CGNL1: variants seen among roughly 807,000 people sequenced by gnomAD.
The protein encoded by CGNL1 is cingulin-like protein 1.
A neutral mutation model predicts 141.2 loss-of-function variants in CGNL1; 132 were observed. The ratio of observed to expected loss-of-function variants is 0.93; its 90% confidence interval spans 0.81 to 1.08. The LOEUF is 1.08. CGNL1 is among the 50% of genes least tolerant of loss of function. CGNL1 has a pLI of 0.00. For synonymous variants in CGNL1, 690 were observed against 622.1 expected (o/e 1.11, Z -1.63); for missense variants, 1,870 against 1,588.6 (o/e 1.18, Z -3.01).
Position 57,381,093 on chromosome 15 carries a change from TG to T in CGNL1, c.-16+4528del, listed in dbSNP as rs201754134. On this transcript the variant is annotated intron_variant, in intron 1 of 18. Coordinates refer to ENST00000281282, the MANE Select transcript of CGNL1 (RefSeq NM_032866.5). ...CTGACCCATAGGGCTAATAACCTCA[TG>T]GTTATAATAGTTACTATTTGTTTAT... Among the ~76,000 whole-genome samples, 73 of 152,316 alleles carry T rather than the reference TG, an allele frequency of 4.8e-4. 2 individuals are homozygous for T. In the East Asian group the frequency reaches 0.012, roughly 25 times the overall value.
At chr15:57,415,766 G>T (rs972448144) in intron 1 of CGNL1, among the ~76,000 whole-genome samples, 2 of 152,204 alleles carry the variant, frequency 1.3e-5, no homozygotes, top group Non-Finnish European at 2.9e-5. Flanking sequence ...AATGTCTGTG[G>T]AACCAAAGCC....
intron 8 of CGNL1, among the ~76,000 whole-genome samples, chr15:57,485,869 G>A (rs1488468537): frequency 1.3e-5 from 2 of 152,162 alleles, no homozygotes; most frequent in African/African-American, 2.4e-5. Context: ...TCCAGATGCT[G>A]ATTTAAAAGG....
In CGNL1 at chr15:57,545,718, G is replaced by C. The variant is rs1595820017; in HGVS notation, c.3609+18G>C. ...AGGACCAGGTGGGGAGCCTCTGCGT[G>C]CATTTGCTCTTAGATGAGATTGCGT... On this transcript the variant is annotated intron_variant, in intron 17 of 18. Transcript: ENST00000281282. The C allele has an allele frequency of 2.5e-6, 4 of 1,591,310 alleles. No individual in the cohort carries two copies. The highest frequency in any genetic ancestry group is 3.4e-6 in the Non-Finnish European group (4 of 1,163,508).
Position 57,378,363 on chromosome 15 carries a change from G to GTTTTTTTTTTTTTTTTTTT in CGNL1, c.-16+1813_-16+1831dup, listed in dbSNP as rs71116514. Among the ~76,000 whole-genome samples, 3 of 33,918 alleles carry GTTTTTTTTTTTTTTTTTTT rather than the reference G, an allele frequency of 8.8e-5. 1 individual carries two copies. The highest frequency in any genetic ancestry group is 1.7e-4 in the Non-Finnish European group (3 of 18,108). The allele number at this position is 33,918 out of a possible 152,430, so 22.3% of individuals were successfully genotyped here. ...TTTCTTAGGGGGTGGCCCTCTATGT[G>GTTTTTTTTTTTTTTTTTTT]TTTTTTTTTTTTTTTTTTTTTTTTT... On this transcript the variant is annotated intron_variant, in intron 1 of 18. Transcript: ENST00000281282.
intron 8 of CGNL1, among the ~76,000 whole-genome samples, chr15:57,493,437 A>G (rs2063894567): frequency 6.6e-6 from 1 of 152,222 alleles, no homozygotes; most frequent in Non-Finnish European, 1.5e-5. Flanking sequence ...AAGCATGCTT[A>G]TCAAGACTGT....
intron 8 of CGNL1, among the ~76,000 whole-genome samples, chr15:57,479,508 A>T (rs569526014): frequency 4.6e-5 from 7 of 152,134 alleles, no homozygotes; most frequent in African/African-American, 1.7e-4. Flanking sequence ...TACTAAAAAT[A>T]CAAAAATTAG....
At chr15:57,493,691 CAT>C (rs34370646) in intron 8 of CGNL1, among the ~76,000 whole-genome samples, 12,150 of 152,228 alleles carry the variant, frequency 0.08, 620 homozygotes, top group Non-Finnish European at 0.1. Context: ...CAGATACACT[CAT>C]GTGTATAAGG....
intron 1 of CGNL1, among the ~76,000 whole-genome samples, chr15:57,382,607 A>T (rs1423263553): frequency 6.6e-6 from 1 of 152,224 alleles, no homozygotes; most frequent in East Asian, 1.9e-4. Flanking sequence ...TTGAGGTAAG[A>T]TGACCTCTAG....
At chr15:57,483,535 G>C (rs1242502327) in intron 8 of CGNL1, among the ~76,000 whole-genome samples, 1 of 134,036 alleles carries the variant, frequency 7.5e-6, no homozygotes, top group Non-Finnish European at 1.6e-5. Context: ...AGACAATCAT[G>C]TCATCTGCAA....
rs557453258 is a variant in CGNL1, at chr15:57,493,656, T to C, written c.2404-23124T>C. ...AGTTAGTAGGACTTCTGGATGATCG[T>C]AAGCTCCACTCCCTGGCAGCAGCAC... On this transcript the variant is annotated intron_variant, in intron 8 of 18. Coordinates refer to ENST00000281282, the MANE Select transcript of CGNL1 (RefSeq NM_032866.5). 1.7e-4 allele frequency among the ~76,000 whole-genome samples: 26 copies of C among 152,318 alleles called. No individual in the cohort carries two copies. In the East Asian group the frequency reaches 4.2e-3, roughly 25 times the overall value.
chr15:57,496,664 G>C (rs2063943228), intron 8 of CGNL1, among the ~76,000 whole-genome samples: 1 of 152,168 alleles, frequency 6.6e-6, no homozygotes, highest in African/African-American at 2.4e-5. Context: ...TAGTAGTTGG[G>C]GTGGTAGGTG....
intron 4 of CGNL1, among the ~76,000 whole-genome samples, chr15:57,445,544 G>A (rs2063240325): frequency 6.6e-6 from 1 of 152,178 alleles, no homozygotes; most frequent in African/African-American, 2.4e-5. Flanking sequence ...GATTTTGTAT[G>A]GGAAAGAACA....
intron 8 of CGNL1, among the ~76,000 whole-genome samples, chr15:57,492,359 C>T (rs1300016370): frequency 6.6e-6 from 1 of 152,170 alleles, no homozygotes; most frequent in Non-Finnish European, 1.5e-5. Flanking sequence ...ACACTCCAAT[C>T]CTACCTAATA....
intron 1 of CGNL1, among the ~76,000 whole-genome samples, chr15:57,429,024 A>T (rs1408022924): frequency 2.7e-5 from 4 of 147,572 alleles, no homozygotes; most frequent in Non-Finnish European, 4.5e-5. Flanking sequence ...TCCATCTCAA[A>T]ACAACAACAG....
Position 57,438,834 on chromosome 15 carries a change from C to T in CGNL1, c.835C>T (p.Arg279Trp), listed in dbSNP as rs771249830. Residue 279 changes from arginine to tryptophan, a missense_variant, in exon 2 of 19, where the codon CGG (arginine) becomes TGG (tryptophan). By Grantham distance (101) the Arg-to-Trp change is moderately radical. Coordinates refer to ENST00000281282, the MANE Select transcript of CGNL1 (RefSeq NM_032866.5). Reference protein sequence around the residue: ...KKTRPDVLPFRRQDSAGPVLD... With the variant: ...KKTRPDVLPFWRQDSAGPVLD... ...AACCAGGCCAGATGTTCTTCCCTTC[C>T]GGCGACAGGATTCAGCGGGACCCGT... The T allele has an allele frequency of 8.7e-6, 14 of 1,614,032 alleles. No homozygotes were observed. Among genetic ancestry groups the T allele is most frequent in the East Asian group, 2.2e-5 (1 of 44,888 alleles).
chr15:57,519,173 A>G (rs537480312), intron 10 of CGNL1, among the ~76,000 whole-genome samples: 1 of 152,130 alleles, frequency 6.6e-6, no homozygotes, highest in South Asian at 2.1e-4. Flanking sequence ...TTGCACAGTG[A>G]CCTCCGGGTG....
At chr15:57,452,416 C>A in intron 6 of CGNL1, 127 bp downstream of exon 6, 1 of 806,784 alleles carries the variant, frequency 1.2e-6, no homozygotes, top group Non-Finnish European at 1.9e-6. Context: ...TTTTCCTTTT[C>A]TTCCTCTTAT....
chr15:57,495,526 G>T (rs1371484578), intron 8 of CGNL1, among the ~76,000 whole-genome samples: 5 of 152,092 alleles, frequency 3.3e-5, no homozygotes, highest in African/African-American at 7.2e-5. Context: ...GCCTTTGTTT[G>T]CCCCTTTGAC....
intron 8 of CGNL1, among the ~76,000 whole-genome samples, chr15:57,492,442 GT>G (rs1316826623): frequency 1.3e-5 from 2 of 152,146 alleles, no homozygotes; most frequent in African/African-American, 2.4e-5. Context: ...TTGCAACTTT[GT>G]TTATACATTG....
Sources: allele counts gnomAD v4.1 joint callset (sites outside exome capture counted in the v4.1 genomes callset), GRCh38; gene constraint gnomAD v4.1.1; transcripts MANE v1.5; gene names NCBI Gene and HGNC (gene_info 2026-07-23, HGNC 2026-07-21).